TRDN: variants seen among roughly 807,000 people sequenced by gnomAD.
TRDN encodes triadin, also known as triadin in skeletal muscle.
A neutral mutation model predicts 149.7 loss-of-function variants in TRDN; 161 were observed. The observed-to-expected ratio is 1.08, with a 90% CI of 0.95 to 1.23. The LOEUF (loss-of-function observed/expected upper bound fraction) is 1.23. Ranked by LOEUF, TRDN falls within the 50% of genes most tolerant of loss-of-function variation. The pLI, the probability that TRDN is intolerant of heterozygous loss-of-function variation, is 0.00. For synonymous variants in TRDN, 294 were observed against 250.5 expected (o/e 1.17, Z -1.64); for missense variants, 896 against 823.5 (o/e 1.09, Z -1.08).
intron 10 of TRDN, among the ~76,000 whole-genome samples, chr6:123,453,649 T>C (rs1224257005): frequency 6.6e-6 from 1 of 152,126 alleles, no homozygotes; most frequent in Non-Finnish European, 1.5e-5. Context: ...ACTTCTACAC[T>C]GCTGGTGGGG....
intron 16 of TRDN, among the ~76,000 whole-genome samples, chr6:123,378,756 C>T (rs934654956): frequency 6.6e-6 from 1 of 152,140 alleles, no homozygotes; most frequent in Admixed American, 6.5e-5. Context: ...ATATTTAAGA[C>T]ACTAAAATAG....
At chr6:123,526,867 G>GT (rs1403430741) in intron 5 of TRDN, among the ~76,000 whole-genome samples, 1 of 151,946 alleles carries the variant, frequency 6.6e-6, no homozygotes, top group Non-Finnish European at 1.5e-5. Context: ...TAAGAAAACT[G>GT]TAAGGGACTC....
At chr6:123,275,590 T>G (rs1005064480) in intron 26 of TRDN, among the ~76,000 whole-genome samples, 2 of 152,190 alleles carry the variant, frequency 1.3e-5, no homozygotes, top group East Asian at 3.9e-4. Context: ...AGGAAACTAA[T>G]CAATTTTGGT....
intron 9 of TRDN, among the ~76,000 whole-genome samples, chr6:123,494,949 G>T (rs1365948150): frequency 6.6e-6 from 1 of 151,940 alleles, no homozygotes; most frequent in African/African-American, 2.4e-5. Context: ...GGCCAGGCTG[G>T]TCTCAAACTC....
chr6:123,401,465 G>T (rs1201319812), intron 12 of TRDN, among the ~76,000 whole-genome samples: 2 of 152,158 alleles, frequency 1.3e-5, no homozygotes, highest in African/African-American at 2.4e-5. Context: ...ACTGAGGTTT[G>T]TCACTTACTC....
At chr6:123,483,066 T>A (rs1163190809) in intron 9 of TRDN, among the ~76,000 whole-genome samples, 4 of 133,372 alleles carry the variant, frequency 3.0e-5, no homozygotes, top group African/African-American at 5.6e-5. Context: ...TGATTTCTCA[T>A]TTATTATTAT....
At chr6:123,561,753 C>A (rs1782013864) in intron 2 of TRDN, among the ~76,000 whole-genome samples, 1 of 152,102 alleles carries the variant, frequency 6.6e-6, no homozygotes, top group Admixed American at 6.6e-5. Flanking sequence ...AATATCACCC[C>A]TTACCACAGG....
At chr6:123,292,572 G>T (rs1367664) in intron 24 of TRDN, among the ~76,000 whole-genome samples, 1 of 151,918 alleles carries the variant, frequency 6.6e-6, no homozygotes, top group Non-Finnish European at 1.5e-5. Flanking sequence ...CCCCTGTTTA[G>T]CCAGGAGACT....
intron 1 of TRDN, among the ~76,000 whole-genome samples, chr6:123,619,914 T>G (rs1182474475): frequency 1.3e-5 from 2 of 152,124 alleles, no homozygotes; most frequent in Non-Finnish European, 2.9e-5. Context: ...GGGGAAAATT[T>G]CATGAGTTTC....
intron 35 of TRDN, among the ~76,000 whole-genome samples, chr6:123,256,587 T>C (rs1017590144): frequency 1.3e-5 from 2 of 152,140 alleles, no homozygotes; most frequent in Non-Finnish European, 2.9e-5. Flanking sequence ...CTGGTGATGA[T>C]GAGCTTTTTA....
chr6:123,482,786 A>G (rs1356359605), intron 9 of TRDN, among the ~76,000 whole-genome samples: 1 of 152,130 alleles, frequency 6.6e-6, no homozygotes, highest in Non-Finnish European at 1.5e-5. Context: ...TTTTCTACTA[A>G]ACAAGAGCTC....
At chr6:123,270,346 C>T (rs973575066) in intron 30 of TRDN, among the ~76,000 whole-genome samples, 1 of 151,916 alleles carries the variant, frequency 6.6e-6, no homozygotes, top group African/African-American at 2.4e-5. Context: ...AATTGGATCT[C>T]TCCTGAATTC....
chr6:123,524,372 T>C (rs1779834626), intron 5 of TRDN, among the ~76,000 whole-genome samples: 1 of 136,592 alleles, frequency 7.3e-6, no homozygotes, highest in African/African-American at 2.6e-5. Flanking sequence ...TTTTCAAATA[T>C]CAAAATTAAT....
intron 9 of TRDN, among the ~76,000 whole-genome samples, chr6:123,479,145 T>C (rs1474912970): frequency 1.3e-5 from 2 of 152,162 alleles, no homozygotes; most frequent in African/African-American, 4.8e-5. Flanking sequence ...ATTATAGTAT[T>C]TTTAGAGTGC....
At chr6:123,493,122 T>C (rs938027359) in intron 9 of TRDN, among the ~76,000 whole-genome samples, 1 of 152,138 alleles carries the variant, frequency 6.6e-6, no homozygotes, top group African/African-American at 2.4e-5. Flanking sequence ...AATTACAAAA[T>C]GTACATACAG....
At chr6:123,599,901 A>T (rs905329385) in intron 1 of TRDN, among the ~76,000 whole-genome samples, 1 of 151,768 alleles carries the variant, frequency 6.6e-6, no homozygotes, top group African/African-American at 2.4e-5. Flanking sequence ...TGCCTCCGAG[A>T]TGAGATAAAT....
chr6:123,424,484 G>GTT (rs923384703), intron 12 of TRDN, among the ~76,000 whole-genome samples: 2 of 147,840 alleles, frequency 1.4e-5, no homozygotes, highest in African/African-American at 5.0e-5. Flanking sequence ...TTCTGTCTGC[G>GTT]TTTTTTTTTT....
At chr6:123,494,316 A>G (rs1778343599) in intron 9 of TRDN, among the ~76,000 whole-genome samples, 3 of 152,138 alleles carry the variant, frequency 2.0e-5, no homozygotes, top group Non-Finnish European at 4.4e-5. Flanking sequence ...TCATGCATAG[A>G]TGATTTTATT....
chr6:123,467,207 T>C (rs1428950612), intron 9 of TRDN, among the ~76,000 whole-genome samples: 4 of 151,564 alleles, frequency 2.6e-5, no homozygotes, highest in Admixed American at 6.6e-5. Context: ...ACTAAGGATA[T>C]ACTGCAGAAA....
Sources: allele counts gnomAD v4.1 joint callset (sites outside exome capture counted in the v4.1 genomes callset), GRCh38; gene constraint gnomAD v4.1.1; transcripts MANE v1.5; gene names NCBI Gene and HGNC (gene_info 2026-07-23, HGNC 2026-07-21).